CPD: variants seen among roughly 807,000 people sequenced by gnomAD.
The protein encoded by CPD is carboxypeptidase D, also known as metallocarboxypeptidase D.
Under a neutral mutation model 138.3 loss-of-function variants are expected in CPD, and 69 were observed. That is an observed-to-expected ratio of 0.50 (90% CI 0.41 to 0.61). The LOEUF is 0.61. CPD is among the 20% of genes least tolerant of loss of function. The probability of loss-of-function intolerance (pLI) is 0.00; values close to 1 mark genes in which losing one functional copy is unlikely to be tolerated. For missense variants in CPD, 1,432 were observed against 1,733.3 expected, an observed-to-expected ratio of 0.83 and a Z score of 3.09; for synonymous variants, 651 against 642.1, an observed-to-expected ratio of 1.01 and a Z score of -0.21.
intron 7 of CPD, among the ~76,000 whole-genome samples, chr17:30,429,587 G>T (rs1597722484): frequency 6.6e-6 from 1 of 152,114 alleles, no homozygotes; most frequent in East Asian, 1.9e-4. Context: ...CAGATTAAAA[G>T]AAAAAAGCAT....
At chr17:30,406,371 C>A (rs1419152178) in intron 2 of CPD, among the ~76,000 whole-genome samples, 1 of 152,058 alleles carries the variant, frequency 6.6e-6, no homozygotes, top group East Asian at 1.9e-4. Flanking sequence ...TATGCTCTGT[C>A]AAACTAAGGA....
In CPD at chr17:30,379,603, G is replaced by T; in HGVS notation, c.623G>T (p.Arg208Leu). 1 of 1,473,524 alleles carries T rather than the reference G, an allele frequency of 6.8e-7. No homozygotes were observed. Among genetic ancestry groups the T allele is most frequent in the Non-Finnish European group, 8.9e-7 (1 of 1,126,394 alleles). 91.3% of individuals were successfully genotyped at this position (1,473,524 alleles called of 1,614,324 possible). ...GDGGPSGASG[R>L]DNSRGRDLNR... ...GGCGGCCCGTCCGGGGCCAGCGGCC[G>T]CGACAATAGTCGCGGCCGCGACCTC... The change falls in exon 1 of 21, where the codon CGC becomes CTC. Residue 208 changes from arginine (R) to leucine (L), a missense_variant. Physicochemically the swap from Arg to Leu is moderately radical, Grantham distance 102. Around this residue, in one of 6 missense-constraint regions of CPD, gnomAD observed 484 missense variants for 477.2 expected, o/e 1.01. Transcript: ENST00000225719. The surrounding 1 kb of genome is among the most constrained non-coding windows in gnomAD (Gnocchi z 7.0).
At chr17:30,391,805 GCC>G (rs1157709497) in intron 2 of CPD, among the ~76,000 whole-genome samples, 2 of 152,092 alleles carry the variant, frequency 1.3e-5, no homozygotes, top group Non-Finnish European at 2.9e-5. Context: ...AAGCACTTTA[GCC>G]TAGCATCTGG....
At chr17:30,453,709 C>T (rs1319732151) in intron 14 of CPD, among the ~76,000 whole-genome samples, 1 of 152,250 alleles carries the variant, frequency 6.6e-6, no homozygotes, top group Non-Finnish European at 1.5e-5. Flanking sequence ...ACTGCCCTAG[C>T]AGAGGTTCTC....
At chr17:30,411,621 C>T (rs780029513) in intron 2 of CPD, among the ~76,000 whole-genome samples, 3 of 152,114 alleles carry the variant, frequency 2.0e-5, no homozygotes, top group Non-Finnish European at 2.9e-5. Flanking sequence ...TCTTCAACCA[C>T]GATAGCCTTT....
At position 30,414,672 on chromosome 17, in the gene CPD, A is replaced by G. The variant is rs534808330; in HGVS notation, c.995-6169A>G. Among the ~76,000 whole-genome samples the G allele has an allele frequency of 1.7e-3, 264 of 152,226 alleles. 1 individual carries two copies. The highest frequency in any genetic ancestry group is 6.0e-3 in the African/African-American group (249 of 41,534). ...CACAGCAATGGACATGAGGATGAACATATTTTGGATTCTGAACATATTTTG... is the reference window on the plus strand; with the variant it reads ...CACAGCAATGGACATGAGGATGAACGTATTTTGGATTCTGAACATATTTTG... On this transcript the variant is annotated intron_variant, in intron 2 of 20. Transcript: ENST00000225719.
chr17:30,456,017 T>G, intron 15 of CPD: 1 of 473,168 alleles, frequency 2.1e-6, no homozygotes, highest in Non-Finnish European at 3.8e-6. Context: ...AAGTTTGTAT[T>G]TTAGTGTGAT....
intron 6 of CPD, among the ~76,000 whole-genome samples, chr17:30,426,802 A>C (rs1450682908): frequency 6.6e-6 from 1 of 152,110 alleles, no homozygotes; most frequent in East Asian, 1.9e-4. Context: ...TCCTTGCTTT[A>C]AGATTAAACT....
chr17:30,401,359 C>T (rs1911659833), intron 2 of CPD, among the ~76,000 whole-genome samples: 1 of 151,774 alleles, frequency 6.6e-6, no homozygotes, highest in East Asian at 1.9e-4. Context: ...TCTTCCTCTT[C>T]TTCCTCCTCT....
At chr17:30,447,048 T>G (rs1396503411) in intron 12 of CPD, among the ~76,000 whole-genome samples, 7 of 152,254 alleles carry the variant, frequency 4.6e-5, no homozygotes, top group Non-Finnish European at 7.3e-5. Context: ...TAAATTTGTT[T>G]AAGTTCTTTG....
At chr17:30,424,573 T>C (rs1476951053) in intron 6 of CPD, among the ~76,000 whole-genome samples, 1 of 152,212 alleles carries the variant, frequency 6.6e-6, no homozygotes, top group Non-Finnish European at 1.5e-5. Flanking sequence ...TTTGGGAACC[T>C]TATTTCATAA....
In CPD at chr17:30,421,700, A is replaced by G. The variant is rs201345496; in HGVS notation, c.1174A>G (p.Ile392Val). The G allele has an allele frequency of 4.4e-5, 71 of 1,613,844 alleles. 2 individuals are homozygous for G. The East Asian group carries it at 1.4e-3, about 31-fold the overall frequency. ...IGVKGFVKDS[I>V]TGSGLENATI... is the part of the protein sequence containing the mutation. The stretch of plus-strand genomic sequence containing the variant: ...AGTGAAAGGATTTGTTAAAGATTCC[A>G]TAACAGGATCTGGGTTAGAGAATGC... The change falls in exon 4 of 21, where the codon ATA (isoleucine) becomes GTA (valine). Residue 392 changes from isoleucine to valine, a missense_variant. This residue lies in a region of CPD where 160 missense variants were observed against 197.9 expected (regional missense o/e 0.81). Transcript: ENST00000225719.
At position 30,443,934 on chromosome 17, in the gene CPD, G is replaced by A; in HGVS notation, c.2506G>A (p.Val836Ile). 6.2e-7 allele frequency: 1 copy of A among 1,613,870 alleles called. No homozygotes were observed. The change falls in exon 11 of 21, where the codon GTT (valine) becomes ATT (isoleucine). Residue 836 changes from valine to isoleucine, a missense_variant. Physicochemically the swap from Val to Ile is conservative, Grantham distance 29 (BLOSUM62 3). This residue lies in a region of CPD where 297 missense variants were observed against 405.3 expected (regional missense o/e 0.73). Transcript: ENST00000225719. ...AACTGGAGATTACTGGCGTCTCTTG[G>A]TTCCAGGAACTTATAAAATCACAGC... The part of the protein sequence containing the change: ...YKTGDYWRLL[V>I]PGTYKITASA...
At chr17:30,408,995 T>A (rs185356644) in intron 2 of CPD, among the ~76,000 whole-genome samples, 52 of 152,326 alleles carry the variant, frequency 3.4e-4, no homozygotes, top group Middle Eastern at 6.8e-3. Context: ...TGTGGGTTTG[T>A]TATAAATAGC....
At chr17:30,401,348 CTCTTCCTCT>C (rs968307133) in intron 2 of CPD, among the ~76,000 whole-genome samples, 2 of 150,428 alleles carry the variant, frequency 1.3e-5, no homozygotes, top group Non-Finnish European at 3.0e-5. Flanking sequence ...CTTCTTCCTC[CTCTTCCTCT>C]TCTTCCTCCT....
chr17:30,465,698 A>T lies in CPD; in HGVS notation c.*884A>T, dbSNP rs1257680730. Reference sequence around the variant, plus strand: ...ATTGCCTAAATCGGAACCTTTTTCTATGTTGCACACATGGTTTTCAGATGA... The same window carrying T: ...ATTGCCTAAATCGGAACCTTTTTCTTTGTTGCACACATGGTTTTCAGATGA... On this transcript the variant is annotated 3_prime_UTR_variant, in exon 21 of 21. Coordinates refer to ENST00000225719, the MANE Select transcript of CPD (RefSeq NM_001304.5). 6.6e-6 allele frequency: 1 copy of T among 152,610 alleles called. No individual in the cohort carries two copies. The highest frequency in any genetic ancestry group is 1.5e-5 in the Non-Finnish European group (1 of 68,030). 9.5% of individuals were successfully genotyped at this position (152,610 alleles called of 1,614,324 possible). A position where few individuals can be genotyped will look rare whatever the true frequency, so the allele number is the denominator to read the frequency against.
rs749773782 is a variant in CPD, at chr17:30,379,222, G to C, written c.242G>C (p.Arg81Pro). The C allele has an allele frequency of 6.5e-7, 1 of 1,527,272 alleles. No individual in the cohort carries two copies. The highest frequency in any genetic ancestry group is 8.8e-7 in the Non-Finnish European group (1 of 1,142,526). 94.6% of individuals were successfully genotyped at this position (1,527,272 alleles called of 1,614,324 possible). Reference sequence around the variant, plus strand: ...GCCGCGGGCCTCCCCGGCCTGGCCCGCCTCTTTAGCATCGGCCGCTCGGTG... The same window carrying C: ...GCCGCGGGCCTCCCCGGCCTGGCCCCCCTCTTTAGCATCGGCCGCTCGGTG... ...AAAAGLPGLA[R>P]LFSIGRSVEG... Residue 81 changes from arginine (R) to proline (P), a missense_variant, in exon 1 of 21, where the codon CGC (arginine) becomes CCC (proline). Physicochemically the swap from Arg to Pro is moderately radical, Grantham distance 103. This residue lies in a region of CPD where 484 missense variants were observed against 477.2 expected (regional missense o/e 1.01). Transcript: ENST00000225719. This position sits in a 1 kb window ranked among gnomAD's most constrained non-coding sequence, Gnocchi z 7.0.
chr17:30,461,326 T>G lies in CPD; in HGVS notation c.3630+15T>G, dbSNP rs1269237608. 3 of 1,544,266 alleles carry G rather than the reference T, an allele frequency of 1.9e-6. No individual in the cohort carries two copies. Among genetic ancestry groups the G allele is most frequent in the Non-Finnish European group, 1.7e-6 (2 of 1,147,156 alleles). ...TGTTAGTGGAGGTGAGTCTTTTCCT[T>G]TTAACTAGAGGCAAACTCCCAGGAA... On this transcript the variant is annotated intron_variant, in intron 18 of 20. Transcript: ENST00000225719.
In CPD at chr17:30,379,337, C is replaced by A; in HGVS notation, c.357C>A (p.Pro119=). ...ACGCGGGGCCTGACGCTGCCGGGCC[C>A]GACGCTGCGGGGCCGCTGCTGCCCG... ...EGDAGPDAAG[P]DAAGPLLPGR... Residue 119 remains proline, a synonymous_variant, in exon 1 of 21, where the codon CCC becomes CCA. Coordinates refer to ENST00000225719, the MANE Select transcript of CPD (RefSeq NM_001304.5). This position sits in a 1 kb window ranked among gnomAD's most constrained non-coding sequence, Gnocchi z 7.0. The A allele has an allele frequency of 6.7e-7, 1 of 1,490,004 alleles. No individual in the cohort carries two copies. The allele number at this position is 1,490,004 out of a possible 1,614,324, so 92.3% of individuals were successfully genotyped here.
Sources: gnomAD v4.1 joint callset for allele counts (sites outside exome capture counted in the v4.1 genomes callset) on GRCh38, gnomAD v4.1.1 for gene constraint, gnomAD v4.1.1 regional missense constraint, Gnocchi (gnomAD v3.1) non-coding constraint, MANE v1.5 for transcripts, NCBI Gene and HGNC (gene_info 2026-07-23, HGNC 2026-07-21) for gene names.